The following CLVS1 variants were observed in gnomAD, a reference collection of about 807,000 sequenced individuals.
The protein encoded by CLVS1 is clavesin-1.
A neutral mutation model predicts 33.1 loss-of-function variants in CLVS1; 10 were observed. The ratio of observed to expected loss-of-function variants is 0.30; its 90% confidence interval spans 0.19 to 0.51. The LOEUF (loss-of-function observed/expected upper bound fraction) is 0.51, where lower values mean the gene tolerates loss of function less well. Among genes scored for constraint, CLVS1 ranks in the 20% least tolerant of loss-of-function variants. The pLI, the probability that CLVS1 is intolerant of heterozygous loss-of-function variation, is 0.97. For missense variants in CLVS1, 343 were observed against 433.4 expected (o/e 0.79, Z 1.85); for synonymous variants, 163 against 166.1 (o/e 0.98, Z 0.14).
At chr8:60,985,802 GAAA>G in the CLVS1 span, among the ~76,000 whole-genome samples, 3 of 107,794 alleles carry the variant, frequency 2.8e-5, no homozygotes, top group Non-Finnish European at 5.8e-5. Flanking sequence ...GGGCTGCTGT[GAAA>G]AAAAAAAAAA....
At chr8:61,461,927 A>G (rs374379625) in intron 5 of CLVS1, among the ~76,000 whole-genome samples, 20 of 143,344 alleles carry the variant, frequency 1.4e-4, no homozygotes, top group African/African-American at 5.0e-4. Flanking sequence ...GGAAAACGCC[A>G]TGTCATTTTG....
At chr8:61,350,465 A>G (rs1812409237) in intron 2 of CLVS1, among the ~76,000 whole-genome samples, 1 of 152,134 alleles carries the variant, frequency 6.6e-6, no homozygotes, top group Non-Finnish European at 1.5e-5. Context: ...AACTACTGTG[A>G]TGATGCATTG....
At chr8:61,117,671 G>C (rs1411205813) in intron 1 of CLVS1, among the ~76,000 whole-genome samples, 15 of 152,026 alleles carry the variant, frequency 9.9e-5, no homozygotes, top group African/African-American at 2.4e-4. Context: ...TGCTGGATTA[G>C]ATTTATTGAT....
chr8:61,189,600 C>G (rs1452317087), intron 2 of CLVS1, among the ~76,000 whole-genome samples: 1 of 152,060 alleles, frequency 6.6e-6, no homozygotes, highest in African/African-American at 2.4e-5. Context: ...GAGTCAAGAC[C>G]CATCAGTGTG....
chr8:61,497,410 G>T (rs1804303097), intron 5 of CLVS1, among the ~76,000 whole-genome samples: 1 of 136,584 alleles, frequency 7.3e-6, no homozygotes, highest in Admixed American at 7.6e-5. Flanking sequence ...AACCAAGGAG[G>T]TTCATCTGTG....
intron 1 of CLVS1, among the ~76,000 whole-genome samples, chr8:61,091,263 A>G (rs2129284494): frequency 6.6e-6 from 1 of 152,316 alleles, no homozygotes; most frequent in East Asian, 1.9e-4. Flanking sequence ...AAAGAGACAA[A>G]GAACAGATTT....
chr8:61,403,746 A>T (rs898540599), intron 3 of CLVS1, among the ~76,000 whole-genome samples: 1 of 152,190 alleles, frequency 6.6e-6, no homozygotes, highest in South Asian at 2.1e-4. Context: ...TGCACATTGT[A>T]AACATTAAAT....
chr8:61,333,488 T>A (rs10105145), intron 2 of CLVS1, among the ~76,000 whole-genome samples: 4 of 152,186 alleles, frequency 2.6e-5, no homozygotes, highest in African/African-American at 4.8e-5. Flanking sequence ...ACATTGAGTT[T>A]CAAAAATGAC....
At chr8:61,027,890 C>T in the CLVS1 span, among the ~76,000 whole-genome samples, 1 of 152,278 alleles carries the variant, frequency 6.6e-6, no homozygotes, top group East Asian at 1.9e-4. Flanking sequence ...TTCTAATGTT[C>T]TCACTTAGAA....
At chr8:61,109,078 C>T (rs1212662053) in intron 1 of CLVS1, among the ~76,000 whole-genome samples, 1 of 152,126 alleles carries the variant, frequency 6.6e-6, no homozygotes, top group Non-Finnish European at 1.5e-5. Flanking sequence ...GGCTGAGGAG[C>T]TGGTGTGATC....
chr8:61,472,170 C>G (rs1387997603), intron 5 of CLVS1, among the ~76,000 whole-genome samples: 1 of 152,236 alleles, frequency 6.6e-6, no homozygotes, highest in Non-Finnish European at 1.5e-5. Flanking sequence ...TCTGTCTTAA[C>G]AGGGACCACA....
chr8:61,115,226 G>A (rs1481479477), intron 1 of CLVS1, among the ~76,000 whole-genome samples: 1 of 152,032 alleles, frequency 6.6e-6, no homozygotes, highest in Non-Finnish European at 1.5e-5. Context: ...AAACAAAGCT[G>A]ATAATAACCA....
At chr8:61,445,549 C>A (rs568347484) in intron 3 of CLVS1, among the ~76,000 whole-genome samples, 2 of 152,168 alleles carry the variant, frequency 1.3e-5, no homozygotes, top group African/African-American at 4.8e-5. Flanking sequence ...TCACCAGAAG[C>A]AGATGCTGGC....
Position 61,299,762 on chromosome 8 carries a change from G to C in CLVS1, c.-66G>C. On this transcript the variant is annotated 5_prime_UTR_variant, in exon 2 of 6. Transcript: ENST00000325897. Reference sequence around the variant, plus strand: ...GTGAAAGAAGACCCTCTATTTGTCTGTTCCGGGGCAGCCTGGTAGTAAAAC... The same window carrying C: ...GTGAAAGAAGACCCTCTATTTGTCTCTTCCGGGGCAGCCTGGTAGTAAAAC... 1 of 1,242,676 alleles carries C rather than the reference G, an allele frequency of 8.0e-7. No individual in the cohort carries two copies. Among genetic ancestry groups the C allele is most frequent in the East Asian group, 2.3e-5 (1 of 42,792 alleles). The allele number at this position is 1,242,676 out of a possible 1,614,324, so 77.0% of individuals were successfully genotyped here. A position where few individuals can be genotyped will look rare whatever the true frequency, so the allele number is the denominator to read the frequency against.
At chr8:61,372,504 A>G (rs1321738782) in intron 2 of CLVS1, among the ~76,000 whole-genome samples, 1 of 152,070 alleles carries the variant, frequency 6.6e-6, no homozygotes, top group Non-Finnish European at 1.5e-5. Flanking sequence ...TTCGTCTATT[A>G]TTTTCAGCTT....
At chr8:61,170,746 T>C (rs1369150927) in intron 2 of CLVS1, among the ~76,000 whole-genome samples, 1 of 152,188 alleles carries the variant, frequency 6.6e-6, no homozygotes, top group Admixed American at 6.5e-5. Context: ...TATTTGATAA[T>C]AGCAAGTATT....
At chr8:61,357,161 A>C (rs941336018) in intron 2 of CLVS1, among the ~76,000 whole-genome samples, 3 of 152,098 alleles carry the variant, frequency 2.0e-5, no homozygotes, top group African/African-American at 7.2e-5. Flanking sequence ...TAGGTATTTT[A>C]TTCTCTTTGA....
intron 5 of CLVS1, among the ~76,000 whole-genome samples, chr8:61,468,075 T>C (rs1817614437): frequency 6.6e-6 from 1 of 152,260 alleles, no homozygotes; most frequent in Non-Finnish European, 1.5e-5. Context: ...TAGATTTAAT[T>C]TAAATTTTAA....
intron 1 of CLVS1, among the ~76,000 whole-genome samples, chr8:61,131,433 G>T (rs915974454): frequency 2.0e-5 from 3 of 152,190 alleles, no homozygotes; most frequent in African/African-American, 7.2e-5. Flanking sequence ...ACAATATTGG[G>T]CTGGGAGTAC....
Sources: allele counts gnomAD v4.1 joint callset (sites outside exome capture counted in the v4.1 genomes callset), GRCh38; gene constraint gnomAD v4.1.1; transcripts MANE v1.5; gene names NCBI Gene and HGNC (gene_info 2026-07-23, HGNC 2026-07-21).